The following MCM3AP variants were observed in gnomAD, a reference collection of about 807,000 sequenced individuals.
MCM3AP encodes the protein minichromosome maintenance complex component 3 associated protein.
In MCM3AP, 126 loss-of-function variants were observed where a neutral mutation model predicts 184.1. The observed-to-expected ratio is 0.68, with a 90% CI of 0.59 to 0.79. The LOEUF (loss-of-function observed/expected upper bound fraction) is 0.79. Ranked by LOEUF, MCM3AP falls within the 30% of genes least tolerant of loss-of-function variation. The pLI is 0.00. For missense variants in MCM3AP, 2,496 were observed against 2,479.2 expected (o/e 1.01, Z -0.14); for synonymous variants, 1,002 against 979.3 (o/e 1.02, Z -0.43).
rs1301412416 is a variant in MCM3AP, at chr21:46,285,022, G to A, written c.265C>T (p.His89Tyr). 1.2e-6 allele frequency: 2 copies of A among 1,614,196 alleles called. No individual in the cohort carries two copies. The highest frequency in any genetic ancestry group is 1.7e-6 in the Non-Finnish European group (2 of 1,180,042). Residue 89 changes from histidine to tyrosine, a missense_variant, in exon 1 of 28, where the codon CAC (histidine) becomes TAC (tyrosine). Transcript: ENST00000291688. Reference sequence around the variant, plus strand: ...GAGGTAGCCACAAAGGTGGAAGTGTGCTCAAGTCCAGAAAAGGGTCCAACA... The same window carrying A: ...GAGGTAGCCACAAAGGTGGAAGTGTACTCAAGTCCAGAAAAGGGTCCAACA... ...SSVGPFSGLE[H>Y]TSTFVATSGP...
chr21:46,250,532 C>T (rs1342412604), intron 20 of MCM3AP: 3 of 152,246 alleles, frequency 2.0e-5, no homozygotes, highest in Non-Finnish European at 4.4e-5. Context: ...TCACCTCTTG[C>T]TCACTCTGAT....
chr21:46,265,002 G>A (rs1203459204), intron 12 of MCM3AP, among the ~76,000 whole-genome samples: 1 of 152,146 alleles, frequency 6.6e-6, no homozygotes, highest in Admixed American at 6.5e-5. Flanking sequence ...CACCCACCAG[G>A]CGGACACGCC....
At chr21:46,280,865 G>C (rs2081323280) in intron 2 of MCM3AP, among the ~76,000 whole-genome samples, 1 of 152,012 alleles carries the variant, frequency 6.6e-6, no homozygotes, top group African/African-American at 2.4e-5. Flanking sequence ...GAGTGCGGTG[G>C]TGAGATCTCA....
rs188996449 is a variant in MCM3AP, at chr21:46,243,491, G to A, written c.5270C>T (p.Thr1757Met). The change falls in exon 24 of 28, where the codon ACG (threonine) becomes ATG (methionine). Residue 1757 changes from threonine to methionine, a missense_variant. Around this residue, in one of 5 missense-constraint regions of MCM3AP, gnomAD observed 1,323 missense variants for 1,273.4 expected, o/e 1.04. Coordinates refer to ENST00000291688, the MANE Select transcript of MCM3AP (RefSeq NM_003906.5). ...TGATGTAACAGGAAGCCGGGGGGGC[G>A]TCCAGTCTCTCAGCTTGTGGTTGAT... is the stretch of plus-strand genomic sequence containing the variant. ...LCINHKLRDW[T>M]PPRLPVTSEA... 2.7e-5 allele frequency: 43 copies of A among 1,612,308 alleles called. No individual in the cohort carries two copies. The highest frequency in any genetic ancestry group is 6.7e-5 in the East Asian group (3 of 44,844).
intron 4 of MCM3AP, among the ~76,000 whole-genome samples, chr21:46,278,527 G>A (rs1223517905): frequency 6.6e-6 from 1 of 152,202 alleles, no homozygotes; most frequent in Non-Finnish European, 1.5e-5. Flanking sequence ...AAAAGCAAAA[G>A]CCTTTGAGAA....
chr21:46,280,389 C>T, intron 3 of MCM3AP, 108 bp downstream of exon 3: 2 of 905,202 alleles, frequency 2.2e-6, no homozygotes, highest in Non-Finnish European at 3.4e-6. Context: ...CACAATGGCT[C>T]ATGCCTGTAA....
chr21:46,244,360 A>G (rs761899772), intron 23 of MCM3AP, among the ~76,000 whole-genome samples: 4 of 152,260 alleles, frequency 2.6e-5, no homozygotes, highest in Non-Finnish European at 5.9e-5. Context: ...GAGCCATAGA[A>G]GAAGGCCTCT....
chr21:46,236,681 G>A (rs1242776217), intron 27 of MCM3AP, 148 bp downstream of exon 27: 1 of 585,164 alleles, frequency 1.7e-6, no homozygotes, highest in Non-Finnish European at 3.0e-6. Flanking sequence ...CAATGATATG[G>A]ATAAAGTTTA....
chr21:46,278,734 C>T (rs1382527128), intron 4 of MCM3AP, among the ~76,000 whole-genome samples: 5 of 151,454 alleles, frequency 3.3e-5, no homozygotes, highest in African/African-American at 7.3e-5. Flanking sequence ...AGTGCAGTGG[C>T]GCAATCTCGG....
At chr21:46,267,937 C>CT (rs1226099907) in intron 9 of MCM3AP, 1 of 151,848 alleles carries the variant, frequency 6.6e-6, no homozygotes, top group Non-Finnish European at 1.5e-5. Context: ...TGGCTCACGC[C>CT]TGTAATCCCA....
chr21:46,235,576 C>T, intron 27 of MCM3AP, 150 bp from the exon 28 acceptor site: 2 of 637,854 alleles, frequency 3.1e-6, no homozygotes, highest in Non-Finnish European at 2.7e-6. Flanking sequence ...CTTTGTATAT[C>T]CTTCCAGCCT....
chr21:46,280,856 A>C (rs2081323055), intron 2 of MCM3AP, among the ~76,000 whole-genome samples: 2 of 151,220 alleles, frequency 1.3e-5, no homozygotes, highest in South Asian at 4.2e-4. Flanking sequence ...GCCAGGCTGG[A>C]GTGCGGTGGT....
chr21:46,280,168 T>C, intron 3 of MCM3AP, 31 bp from the exon 4 acceptor site: 3 of 1,611,114 alleles, frequency 1.9e-6, no homozygotes, highest in Non-Finnish European at 2.5e-6. Context: ...AAAGAGTTTA[T>C]GCAATCACAG....
intron 10 of MCM3AP, chr21:46,266,629 G>C (rs797003854): frequency 1.0e-5 from 3 of 293,028 alleles, no homozygotes; most frequent in African/African-American, 6.5e-5. Context: ...ACTCCGGCTG[G>C]CCTGCGGGTG....
At chr21:46,249,027 C>A (rs1297547279) in intron 20 of MCM3AP, among the ~76,000 whole-genome samples, 1 of 152,054 alleles carries the variant, frequency 6.6e-6, no homozygotes, top group Non-Finnish European at 1.5e-5. Flanking sequence ...AAGCCCTGCA[C>A]AGTGAGTGAA....
chr21:46,269,940 C>T (rs1348919070), intron 9 of MCM3AP, among the ~76,000 whole-genome samples: 1 of 152,192 alleles, frequency 6.6e-6, no homozygotes, highest in Non-Finnish European at 1.5e-5. Flanking sequence ...AGGGACTGGC[C>T]TTCCCATTGC....
Position 46,260,890 on chromosome 21 carries a change from C to A in MCM3AP, c.3484G>T (p.Glu1162Ter). 6.2e-7 allele frequency: 1 copy of A among 1,613,064 alleles called. No homozygotes were observed. The highest frequency in any genetic ancestry group is 8.5e-7 in the Non-Finnish European group (1 of 1,178,978). Reference sequence around the variant, plus strand: ...TGGCTCAGCTCACTTAACACCAGCTCTCTCTCTTGTTTCAACCTACAGGGA... The same window carrying A: ...TGGCTCAGCTCACTTAACACCAGCTATCTCTCTTGTTTCAACCTACAGGGA... Reference protein sequence around the residue: ...AEEERLKQERELVLSELSQGL... With the variant: ...AEEERLKQER Residue 1162 changes from glutamate to a stop codon, truncating the protein, a stop_gained, in exon 15 of 28, where the codon GAG (glutamate) becomes TAG (stop). Coordinates refer to ENST00000291688, the MANE Select transcript of MCM3AP (RefSeq NM_003906.5). LOFTEE classifies it high-confidence loss of function.
At position 46,246,795 on chromosome 21, in the gene MCM3AP, G is replaced by A; in HGVS notation, c.4382C>T (p.Pro1461Leu). 6.2e-7 allele frequency: 1 copy of A among 1,614,186 alleles called. No individual in the cohort carries two copies. The highest frequency in any genetic ancestry group is 8.5e-7 in the Non-Finnish European group (1 of 1,180,030). ...LGASGLMLLLPPKMKSEDMAE... is the reference protein window; with the variant it reads ...LGASGLMLLLLPKMKSEDMAE... ...CATGTCCTCACTCTTCATTTTGGGGGGAAGCAGCAGCATGAGCCCACTGGC... is the reference window on the plus strand; with the variant it reads ...CATGTCCTCACTCTTCATTTTGGGGAGAAGCAGCAGCATGAGCCCACTGGC... The change falls in exon 21 of 28, where the codon CCC becomes CTC. Residue 1461 changes from proline to leucine, a missense_variant. Pro to Leu is a moderately conservative substitution (Grantham distance 98). Around this residue, in one of 5 missense-constraint regions of MCM3AP, gnomAD observed 1,323 missense variants for 1,273.4 expected, o/e 1.04. Transcript: ENST00000291688.
In MCM3AP at chr21:46,270,340, C is replaced by A; in HGVS notation, c.2628+61G>T. 7 of 1,501,848 alleles carry A rather than the reference C, an allele frequency of 4.7e-6. No homozygotes were observed. The South Asian group carries it at 9.1e-5, about 20-fold the overall frequency. The allele number at this position is 1,501,848 out of a possible 1,614,324, so 93.0% of individuals were successfully genotyped here. ...TGAAAAGCTTGGAATAAGAAAGCAC[C>A]CAAACAGCACAAGAACCACCTGCTT... On this transcript the variant is annotated intron_variant, in intron 9 of 27. Coordinates refer to ENST00000291688, the MANE Select transcript of MCM3AP (RefSeq NM_003906.5).
Sources: gnomAD v4.1 joint callset for allele counts (sites outside exome capture counted in the v4.1 genomes callset) on GRCh38, gnomAD v4.1.1 for gene constraint, gnomAD v4.1.1 regional missense constraint, MANE v1.5 for transcripts, NCBI Gene and HGNC (gene_info 2026-07-23, HGNC 2026-07-21) for gene names.